Variants in TRIM5 observed in about 807,000 individuals in gnomAD.
TRIM5 encodes the protein tripartite motif containing 5.
In TRIM5, 31 loss-of-function variants were observed where a neutral mutation model predicts 35.6. The observed-to-expected ratio is 0.87, with a 90% CI of 0.65 to 1.18. The LOEUF is 1.18. Among genes scored for constraint, TRIM5 ranks in the 50% most tolerant of loss-of-function variants. The pLI is 0.00. For missense variants in TRIM5, 609 were observed against 591.6 expected (o/e 1.03, Z -0.31); for synonymous variants, 243 against 215.6 (o/e 1.13, Z -1.11).
the TRIM5 span, chr11:5,604,678 G>T: frequency 1.9e-6 from 3 of 1,585,738 alleles, no homozygotes; most frequent in Non-Finnish European, 1.7e-6. Context: ...ATCATGGCAG[G>T]TCATAGGAGC....
Position 5,665,099 on chromosome 11 carries a change from C to G in TRIM5, c.1192G>C (p.Gly398Arg), listed in dbSNP as rs768680263. ...EKNENYQPKY[G>R]YWVIGLEEGV... Reference sequence around the variant, plus strand: ...TCCTCTAACCCTATAACCCAGTAGCCGTATTTAGGTTGATAATTTTCATTT... The same window carrying G: ...TCCTCTAACCCTATAACCCAGTAGCGGTATTTAGGTTGATAATTTTCATTT... The change falls in exon 8 of 8, where the codon GGC becomes CGC. Residue 398 changes from glycine to arginine, a missense_variant. Gly to Arg is a moderately radical substitution (Grantham distance 125). Transcript: ENST00000380034. The G allele has an allele frequency of 6.2e-7, 1 of 1,614,012 alleles. No homozygotes were observed. The highest frequency in any genetic ancestry group is 1.7e-5 in the Admixed American group (1 of 59,990).
At chr11:5,610,560 G>A in the TRIM5 span, 3 of 1,612,992 alleles carry the variant, frequency 1.9e-6, no homozygotes, top group East Asian at 6.7e-5. Flanking sequence ...AAAGCTACTG[G>A]GGTAAGTAGA....
At chr11:5,610,677 T>C in the TRIM5 span, 3 of 1,568,922 alleles carry the variant, frequency 1.9e-6, no homozygotes, top group African/African-American at 1.4e-5. Context: ...CCCCGCCATA[T>C]AGTTCCAGTT....
chr11:5,671,511 T>C (rs1186650869), intron 4 of TRIM5, among the ~76,000 whole-genome samples: 2 of 151,808 alleles, frequency 1.3e-5, no homozygotes, highest in African/African-American at 2.4e-5. Context: ...GATAAGGAAA[T>C]AAAAATTCTG....
chr11:5,603,542 TAGTG>T, the TRIM5 span: 2 of 1,613,960 alleles, frequency 1.2e-6, no homozygotes, highest in Non-Finnish European at 1.7e-6. Flanking sequence ...CTGGCCAACA[TAGTG>T]AGGCGGCTCA....
chr11:5,682,966 C>T lies in TRIM5; in HGVS notation c.-62+1902G>A, dbSNP rs544948630. Among the ~76,000 whole-genome samples, 4 of 152,324 alleles carry T rather than the reference C, an allele frequency of 2.6e-5. No homozygotes were observed. The East Asian group carries it at 7.7e-4, about 29-fold the overall frequency. ...GTGGAGGGAGAGGGGCGAGCGGGAA[C>T]CGGGGCTGCGCGCCGCGCTTGTGGG... On this transcript the variant is annotated intron_variant, in intron 1 of 7. Coordinates refer to ENST00000380034, the MANE Select transcript of TRIM5 (RefSeq NM_033034.3).
Position 5,665,044 on chromosome 11 carries a change from C to G in TRIM5, c.1247G>C (p.Ser416Thr), listed in dbSNP as rs755466873. The change falls in exon 8 of 8, where the codon AGT (serine) becomes ACT (threonine). Residue 416 changes from serine to threonine, a missense_variant. Ser to Thr is a moderately conservative substitution (Grantham distance 58). Transcript: ENST00000380034. Reference protein sequence around the residue: ...EGVKCSAFQDSSFHTPSVPFI... With the variant: ...EGVKCSAFQDTSFHTPSVPFI... ...AGGAACAGAAGGAGTATGGAAGGAA[C>G]TATCCTGGAAAGCACTACATTTAAC... 1.1e-5 allele frequency: 18 copies of G among 1,613,978 alleles called. No homozygotes were observed. The African/African-American group carries it at 2.3e-4, about 20-fold the overall frequency.
downstream of TRIM5, among the ~76,000 whole-genome samples, chr11:5,660,067 C>T (rs901604855): frequency 5.9e-5 from 9 of 152,032 alleles, no homozygotes; most frequent in African/African-American, 2.2e-4. Context: ...ACCTCTGCCT[C>T]CTGGGTTCAA....
At chr11:5,603,230 T>G in the TRIM5 span, 7 of 1,604,840 alleles carry the variant, frequency 4.4e-6, no homozygotes, top group Admixed American at 1.0e-4. Context: ...CTTTTTTTGT[T>G]TGTTCATCTA....
At chr11:5,671,707 C>T (rs1851601966) in intron 4 of TRIM5, among the ~76,000 whole-genome samples, 1 of 151,852 alleles carries the variant, frequency 6.6e-6, no homozygotes, top group Non-Finnish European at 1.5e-5. Context: ...TAGCAATGTA[C>T]ATGTAATAGG....
At chr11:5,595,206 AC>A in the TRIM5 span, 5 of 152,076 alleles carry the variant, frequency 3.3e-5, no homozygotes, top group East Asian at 9.6e-4. Flanking sequence ...TCCCCAAGCC[AC>A]CTTCTAAGGC....
chr11:5,653,213 C>T, the TRIM5 span, among the ~76,000 whole-genome samples: 8 of 152,114 alleles, frequency 5.3e-5, no homozygotes, highest in African/African-American at 1.2e-4. Flanking sequence ...CATCTCCCTG[C>T]GTAACTGTAT....
chr11:5,642,311 T>A, the TRIM5 span: 1 of 1,121,292 alleles, frequency 8.9e-7, no homozygotes, highest in Non-Finnish European at 1.3e-6. Context: ...AGGGTTCAAG[T>A]GCATCAGTGA....
At chr11:5,591,406 T>C in the TRIM5 span, among the ~76,000 whole-genome samples, 2 of 152,140 alleles carry the variant, frequency 1.3e-5, no homozygotes, top group East Asian at 3.9e-4. Flanking sequence ...CCTAGCACTT[T>C]GGGAGGCCGA....
At chr11:5,656,968 C>G in the TRIM5 span, among the ~76,000 whole-genome samples, 1 of 152,182 alleles carries the variant, frequency 6.6e-6, no homozygotes, top group Non-Finnish European at 1.5e-5. Flanking sequence ...TGGGTATATA[C>G]TCAAAGGATT....
chr11:5,608,501 GA>G, the TRIM5 span: 1 of 1,522,030 alleles, frequency 6.6e-7, no homozygotes, highest in African/African-American at 1.4e-5. Flanking sequence ...AGATTCAAGA[GA>G]GTAGTCTTGA....
chr11:5,641,755 T>A, the TRIM5 span, among the ~76,000 whole-genome samples: 2 of 152,182 alleles, frequency 1.3e-5, no homozygotes, highest in Non-Finnish European at 2.9e-5. Context: ...AAAAGTGTAG[T>A]CCTTGTTCCT....
At chr11:5,674,168 A>G (rs1851768971) in intron 4 of TRIM5, among the ~76,000 whole-genome samples, 1 of 152,224 alleles carries the variant, frequency 6.6e-6, no homozygotes, top group Admixed American at 6.5e-5. Context: ...ACAAATCACC[A>G]AAATCAGGAA....
the TRIM5 span, among the ~76,000 whole-genome samples, chr11:5,637,346 A>G: frequency 2.0e-5 from 3 of 152,178 alleles, no homozygotes; most frequent in Non-Finnish European, 4.4e-5. Context: ...CTCATTTCGT[A>G]AGAGCTGCAT....
Sources: allele counts gnomAD v4.1 joint callset (sites outside exome capture counted in the v4.1 genomes callset), GRCh38; gene constraint gnomAD v4.1.1; transcripts MANE v1.5; gene names NCBI Gene and HGNC (gene_info 2026-07-23, HGNC 2026-07-21).